Variants in HMCN2 observed in about 807,000 individuals in gnomAD.
The protein encoded by HMCN2 is hemicentin-2.
In HMCN2, 325 loss-of-function variants were observed where a neutral mutation model predicts 377.5. The observed-to-expected ratio is 0.86, with a 90% CI of 0.79 to 0.94. HMCN2 has a LOEUF of 0.94. Among genes scored for constraint, HMCN2 ranks in the 40% least tolerant of loss-of-function variants. HMCN2 has a pLI of 0.00. For missense variants in HMCN2, 4,543 were observed against 4,725.3 expected (o/e 0.96, Z 1.13); for synonymous variants, 2,007 against 2,046.8 (o/e 0.98, Z 0.53).
rs1554931493 is a variant in HMCN2, at chr9:130,295,011, G to C, written c.769G>C (p.Val257Leu). The C allele has an allele frequency of 2.1e-6, 1 of 469,840 alleles. No homozygotes were observed. The highest frequency in any genetic ancestry group is 4.4e-6 in the Non-Finnish European group (1 of 226,418). The allele number at this position is 469,840 out of a possible 1,614,324, so 29.1% of individuals were successfully genotyped here. A position where few individuals can be genotyped will look rare whatever the true frequency, so the allele number is the denominator to read the frequency against. Reference protein sequence around the residue: ...SLSGPGPEIEVQDPLGRILQE... With the variant: ...SLSGPGPEIELQDPLGRILQE... ...GAGTGGGCCAGGGCCTGAGATTGAAGTCCAAGATCCGCTGGGTATGGACCA... is the reference window on the plus strand; with the variant it reads ...GAGTGGGCCAGGGCCTGAGATTGAACTCCAAGATCCGCTGGGTATGGACCA... The change falls in exon 5 of 98, where the codon GTC becomes CTC. Residue 257 changes from valine to leucine, a missense_variant. Transcript: ENST00000683500.
At chr9:130,402,254 C>T (rs914978) in intron 77 of HMCN2, among the ~76,000 whole-genome samples, 32,442 of 152,166 alleles carry the variant, frequency 0.21, 3,816 homozygotes, top group East Asian at 0.37. Context: ...CCCCCAGGGG[C>T]CCACGGAGCA....
rs917482647 is a variant in HMCN2, at chr9:130,399,588, A to G, written c.11561A>G (p.Asn3854Ser). 5.4e-6 allele frequency: 7 copies of G among 1,289,570 alleles called. No homozygotes were observed. In the African/African-American group the frequency reaches 6.1e-5, roughly 11 times the overall value. The allele number at this position is 1,289,570 out of a possible 1,614,324, so 79.9% of individuals were successfully genotyped here. A position where few individuals can be genotyped will look rare whatever the true frequency, so the allele number is the denominator to read the frequency against. The change falls in exon 76 of 98, where the codon AAT (asparagine) becomes AGT (serine). Residue 3854 changes from asparagine (N) to serine (S), a missense_variant. Asn to Ser is a conservative substitution (Grantham distance 46). Coordinates refer to ENST00000683500, the MANE Select transcript of HMCN2 (RefSeq NM_001291815.2). ...DSAQFECVVS[N>S]EVGEAHRLYQ... is the part of the protein sequence containing the mutation. ...GCCCAGTTTGAATGCGTGGTGAGCA[A>G]TGAGGTGGGCGAGGCCCACAGGCTC...
chr9:130,354,027 G>A (rs1053550622), intron 31 of HMCN2, among the ~76,000 whole-genome samples: 1 of 152,158 alleles, frequency 6.6e-6, no homozygotes, highest in Non-Finnish European at 1.5e-5. Flanking sequence ...TGGCCCCGCC[G>A]CTAGCTCAGG....
At chr9:130,419,138 G>T in intron 86 of HMCN2, 97 bp downstream of exon 86, 1 of 1,217,272 alleles carries the variant, frequency 8.2e-7, no homozygotes, top group Non-Finnish European at 1.1e-6. Flanking sequence ...CCCCTGCCTT[G>T]CCAGCTCCCC....
In HMCN2 at chr9:130,396,220, A is replaced by G; in HGVS notation, c.11105A>G (p.Gln3702Arg). The change falls in exon 73 of 98, where the codon CAG becomes CGG. Residue 3702 changes from glutamine (Q) to arginine (R), a missense_variant. This residue lies in a region of HMCN2 where 1,073 missense variants were observed against 1,319.5 expected (regional missense o/e 0.81). Coordinates refer to ENST00000683500, the MANE Select transcript of HMCN2 (RefSeq NM_001291815.2). ...GPPAVNVSVN[Q>R]TALLPCQADG... ...CCTGCAGTGAACGTCTCAGTGAACC[A>G]GACAGCCCTGCTGCCTTGCCAGGCC... 3.9e-6 allele frequency: 5 copies of G among 1,286,576 alleles called. No homozygotes were observed. The highest frequency in any genetic ancestry group is 5.1e-6 in the Non-Finnish European group (5 of 986,216). The allele number at this position is 1,286,576 out of a possible 1,614,324, so 79.7% of individuals were successfully genotyped here. A position where few individuals can be genotyped will look rare whatever the true frequency, so the allele number is the denominator to read the frequency against.
rs1194875892 is a variant in HMCN2 at position 130,423,724 on chromosome 9, G to A, written c.13381+998G>A. Among the ~76,000 whole-genome samples the A allele has an allele frequency of 2.0e-5, 3 of 152,218 alleles. No individual in the cohort carries two copies. Among genetic ancestry groups the A allele is most frequent in the African/African-American group, 7.2e-5 (3 of 41,460 alleles). On this transcript the variant is annotated intron_variant, in intron 87 of 97. Transcript: ENST00000683500. This position sits in a 1 kb window ranked among gnomAD's most constrained non-coding sequence, Gnocchi z 5.5. Reference sequence around the variant, plus strand: ...AGTCCATGGCCCCACCTGGTCCTGCGTGGAGGGCGGGGCATCACATGAAGA... The same window carrying A: ...AGTCCATGGCCCCACCTGGTCCTGCATGGAGGGCGGGGCATCACATGAAGA...
intron 4 of HMCN2, among the ~76,000 whole-genome samples, chr9:130,287,552 A>T (rs1243901835): frequency 4.1e-4 from 1 of 2,456 alleles, no homozygotes; most frequent in East Asian, 0.024. Context: ...ACTCTGTCTT[A>T]AAAAAAAAAA....
chr9:130,385,246 G>A lies in HMCN2; in HGVS notation c.9107-314G>A, dbSNP rs573775137. 1.2e-3 allele frequency among the ~76,000 whole-genome samples: 188 copies of A among 152,252 alleles called. 1 individual carries two copies. Among genetic ancestry groups the A allele is most frequent in the African/African-American group, 4.3e-3 (180 of 41,552 alleles). The stretch of plus-strand genomic sequence containing the variant: ...TTCACTGGAGCCACAGGGGCTGAAC[G>A]GGCCTCGACAGAGAGCTGTAACCCA... On this transcript the variant is annotated intron_variant, in intron 59 of 97. Transcript: ENST00000683500.
rs1228574348 is a variant in HMCN2, at chr9:130,404,991, C to T, written c.12271C>T (p.Pro4091Ser). 6 of 1,289,664 alleles carry T rather than the reference C, an allele frequency of 4.7e-6. No homozygotes were observed. In the Admixed American group the frequency reaches 1.4e-4, roughly 30 times the overall value. 79.9% of individuals were successfully genotyped at this position (1,289,664 alleles called of 1,614,324 possible). The change falls in exon 81 of 98, where the codon CCT (proline) becomes TCT (serine). Residue 4091 changes from proline (P) to serine (S), a missense_variant. This residue lies in a region of HMCN2 where 1,073 missense variants were observed against 1,319.5 expected (regional missense o/e 0.81). Coordinates refer to ENST00000683500, the MANE Select transcript of HMCN2 (RefSeq NM_001291815.2). ...CATCACCTGGGACAAAGATGGCCAG[C>T]CTGTGTCGGGCGCCGAGGGGAAGTT... ...PNITWDKDGQPVSGAEGKFTI... is the reference protein window; with the variant it reads ...PNITWDKDGQSVSGAEGKFTI...
intron 48 of HMCN2, among the ~76,000 whole-genome samples, chr9:130,374,031 G>C (rs998800770): frequency 6.6e-6 from 1 of 151,836 alleles, no homozygotes; most frequent in African/African-American, 2.4e-5. Context: ...GAAATGAATG[G>C]ATGATTGGTT....
intron 23 of HMCN2, among the ~76,000 whole-genome samples, chr9:130,339,292 G>A (rs1017036344): frequency 6.6e-6 from 1 of 152,178 alleles, no homozygotes; most frequent in Non-Finnish European, 1.5e-5. Context: ...ACCCTCTGAC[G>A]GCAGAGGTGA....
chr9:130,271,314 G>A (rs1260850101), intron 1 of HMCN2, among the ~76,000 whole-genome samples: 1 of 148,896 alleles, frequency 6.7e-6, no homozygotes, highest in Non-Finnish European at 1.5e-5. Flanking sequence ...AAAGCGGGGA[G>A]CCATGATCCA....
intron 85 of HMCN2, among the ~76,000 whole-genome samples, chr9:130,412,431 A>G (rs1843470354): frequency 6.6e-6 from 1 of 152,212 alleles, no homozygotes; most frequent in Non-Finnish European, 1.5e-5. Flanking sequence ...TTTGAAGAGC[A>G]AAAGTGTTAA....
intron 1 of HMCN2, among the ~76,000 whole-genome samples, chr9:130,274,979 A>T (rs1317954427): frequency 6.6e-6 from 1 of 152,200 alleles, no homozygotes; most frequent in Non-Finnish European, 1.5e-5. Context: ...CAGAGATAAA[A>T]TTGCTTTGTT....
Position 130,428,079 on chromosome 9 carries a change from G to A in HMCN2, c.14066-279G>A, listed in dbSNP as rs1844497535. ...CACCGGGAGGGCCTGGTGCTGCCAAGTCTCCGCTGGGCTCCAAGCCGGGTG... is the reference window on the plus strand; with the variant it reads ...CACCGGGAGGGCCTGGTGCTGCCAAATCTCCGCTGGGCTCCAAGCCGGGTG... On this transcript the variant is annotated intron_variant, in intron 92 of 97. Transcript: ENST00000683500. The surrounding 1 kb of genome is among the most constrained non-coding windows in gnomAD (Gnocchi z 5.0). Among the ~76,000 whole-genome samples, 1 of 152,190 alleles carries A rather than the reference G, an allele frequency of 6.6e-6. No individual in the cohort carries two copies. The highest frequency in any genetic ancestry group is 1.5e-5 in the Non-Finnish European group (1 of 68,040).
At chr9:130,373,160 G>A (rs1841131528) in intron 48 of HMCN2, 36 bp downstream of exon 48, 3 of 843,486 alleles carry the variant, frequency 3.6e-6, no homozygotes, top group Middle Eastern at 6.1e-4. Flanking sequence ...TGGGAGAAGG[G>A]GCGGGAAGGC....
chr9:130,415,505 A>G (rs1843637161), intron 85 of HMCN2, among the ~76,000 whole-genome samples: 1 of 152,126 alleles, frequency 6.6e-6, no homozygotes, highest in Non-Finnish European at 1.5e-5. Flanking sequence ...ATGCCCGGCT[A>G]CTTTATTTAT....
At position 130,396,288 on chromosome 9, in the gene HMCN2, G is replaced by T. The variant is rs925275403; in HGVS notation, c.11173G>T (p.Val3725Phe). 160 of 1,279,008 alleles carry T rather than the reference G, an allele frequency of 1.3e-4. No individual in the cohort carries two copies. Among genetic ancestry groups the T allele is most frequent in the Non-Finnish European group, 1.6e-4 (153 of 980,076 alleles). 79.2% of individuals were successfully genotyped at this position (1,279,008 alleles called of 1,614,324 possible). ...APLVSWRKDR[V>F]PLDPRSPRFE... ...CCTCGTGAGCTGGCGGAAGGACAGG[G>T]TCCCCCTGGATCCCAGGAGCCCCAG... Residue 3725 changes from valine to phenylalanine, a missense_variant, in exon 73 of 98, where the codon GTC becomes TTC. By Grantham distance (50) the Val-to-Phe change is conservative (BLOSUM62 -1). This residue lies in a region of HMCN2 where 1,073 missense variants were observed against 1,319.5 expected (regional missense o/e 0.81). Transcript: ENST00000683500.
intron 31 of HMCN2, among the ~76,000 whole-genome samples, 193 bp from the exon 32 acceptor site, chr9:130,354,570 G>A (rs933398676): frequency 1.1e-4 from 17 of 152,286 alleles, no homozygotes; most frequent in South Asian, 4.1e-4. Context: ...GTGGGGTGGC[G>A]CGCCCAGGGG....
Sources: allele counts gnomAD v4.1 joint callset (sites outside exome capture counted in the v4.1 genomes callset), GRCh38; gene constraint gnomAD v4.1.1; regional missense constraint gnomAD v4.1.1; non-coding constraint Gnocchi (gnomAD v3.1); transcripts MANE v1.5; gene names NCBI Gene and HGNC (gene_info 2026-07-23, HGNC 2026-07-21).